Variants in TFDP2 observed in about 807,000 individuals in gnomAD.
TFDP2 encodes the protein transcription factor Dp-2 (E2F dimerization partner 2).
In TFDP2, 17 loss-of-function variants were observed where a neutral mutation model predicts 59.3. The observed-to-expected ratio is 0.29, with a 90% CI of 0.20 to 0.43. The LOEUF (loss-of-function observed/expected upper bound fraction) is 0.43. Ranked by LOEUF, TFDP2 falls within the 20% of genes least tolerant of loss-of-function variation. TFDP2 has a pLI of 1.00. For synonymous variants in TFDP2, 180 were observed against 194.7 expected (o/e 0.92, Z 0.63); for missense variants, 391 against 528.8 (o/e 0.74, Z 2.56).
intron 11 of TFDP2, among the ~76,000 whole-genome samples, chr3:141,955,370 C>T (rs1029507245): frequency 6.6e-6 from 1 of 152,196 alleles, no homozygotes; most frequent in Admixed American, 6.5e-5. Context: ...GCCTAATCGC[C>T]CTGAGCCTTT....
chr3:141,964,154 A>C (rs980687151), intron 9 of TFDP2, among the ~76,000 whole-genome samples, 191 bp from the exon 10 acceptor site: 2 of 152,110 alleles, frequency 1.3e-5, no homozygotes, highest in Non-Finnish European at 2.9e-5. Context: ...ACATTTTTCC[A>C]TCATCCATAG....
intron 11 of TFDP2, among the ~76,000 whole-genome samples, chr3:141,955,066 A>T (rs201752331): frequency 4.4e-5 from 1 of 22,604 alleles, no homozygotes; most frequent in East Asian, 3.1e-3. Context: ...AATTAAAGCC[A>T]GAATCTTGTG....
chr3:142,070,309 C>T (rs1170319556), intron 3 of TFDP2, among the ~76,000 whole-genome samples: 1 of 152,020 alleles, frequency 6.6e-6, no homozygotes, highest in Non-Finnish European at 1.5e-5. Context: ...GACAGGGTCA[C>T]CCAGGCTGGA....
intron 1 of TFDP2, among the ~76,000 whole-genome samples, chr3:142,136,187 T>C (rs1223307615): frequency 6.6e-6 from 1 of 152,138 alleles, no homozygotes; most frequent in Non-Finnish European, 1.5e-5. Context: ...GTCTGCTGGC[T>C]GCATAGATGT....
rs142975848 is a variant in TFDP2, at chr3:142,088,417, A to T, written c.82+4644T>A. Among the ~76,000 whole-genome samples, 7 of 145,366 alleles carry T rather than the reference A, an allele frequency of 4.8e-5. No homozygotes were observed. In the Admixed American group the frequency reaches 4.9e-4, roughly 10 times the overall value. The stretch of plus-strand genomic sequence containing the variant: ...GTGATCTTGACGCACTGCAACCTCC[A>T]CCTCCCGGGTTCAGGTGATTCTTGT... On this transcript the variant is annotated intron_variant, in intron 3 of 12. Transcript: ENST00000489671.
intron 8 of TFDP2, among the ~76,000 whole-genome samples, chr3:141,973,721 C>A (rs1011917388): frequency 1.4e-4 from 21 of 144,992 alleles, no homozygotes; most frequent in African/African-American, 5.4e-4. Context: ...CAGCAAGCAT[C>A]TCATCAAATA....
chr3:142,008,085 C>A (rs188155985), intron 3 of TFDP2, among the ~76,000 whole-genome samples: 1 of 152,256 alleles, frequency 6.6e-6, no homozygotes, highest in Admixed American at 6.5e-5. Context: ...ACAATACTGG[C>A]TGTCCGGTGG....
At chr3:142,004,759 T>C (rs1944082201) in intron 4 of TFDP2, among the ~76,000 whole-genome samples, 1 of 152,200 alleles carries the variant, frequency 6.6e-6, no homozygotes, top group South Asian at 2.1e-4. Flanking sequence ...ATTCCATTTA[T>C]GTGAGAATAC....
chr3:142,010,987 T>C (rs1407591959), intron 3 of TFDP2, among the ~76,000 whole-genome samples: 5 of 105,898 alleles, frequency 4.7e-5, no homozygotes. Flanking sequence ...TTTACACTGT[T>C]GGTGGGACTG....
intron 9 of TFDP2, among the ~76,000 whole-genome samples, chr3:141,968,432 AG>A (rs1559937460): frequency 2.8e-5 from 2 of 70,240 alleles, no homozygotes; most frequent in Non-Finnish European, 2.8e-5. Context: ...TCTCATATAT[AG>A]ATATATATAA....
intron 3 of TFDP2, among the ~76,000 whole-genome samples, chr3:142,064,042 C>T (rs1451727630): frequency 5.9e-5 from 9 of 152,194 alleles, no homozygotes; most frequent in Non-Finnish European, 2.9e-5. Flanking sequence ...CAACCTTTGC[C>T]TCCTGGGTTC....
At chr3:142,024,906 G>A (rs557787126) in intron 3 of TFDP2, among the ~76,000 whole-genome samples, 11 of 152,116 alleles carry the variant, frequency 7.2e-5, no homozygotes, top group African/African-American at 2.7e-4. Flanking sequence ...TGTAATCTCA[G>A]CTACTCGGGA....
chr3:142,036,095 T>C (rs1946683999), intron 3 of TFDP2, among the ~76,000 whole-genome samples: 1 of 152,222 alleles, frequency 6.6e-6, no homozygotes, highest in Admixed American at 6.5e-5. Context: ...AGTCCATTTG[T>C]GCCAAGTAAA....
Position 141,978,573 on chromosome 3 carries a change from C to G in TFDP2, c.466G>C (p.Asp156His). The change falls in exon 7 of 13, where the codon GAT (aspartate) becomes CAT (histidine). Residue 156 changes from aspartate (D) to histidine (H), a missense_variant. By Grantham distance (81) the Asp-to-His change is moderately conservative. Coordinates refer to ENST00000489671, the MANE Select transcript of TFDP2 (RefSeq NM_001178139.2). The stretch of plus-strand genomic sequence containing the variant: ...TTGGTGAACTCTGACACCAGCTCAT[C>G]AGCGACTTCATTGTACGATGTTGTA... Reference protein sequence around the residue: ...KGTTSYNEVADELVSEFTNSN... With the variant: ...KGTTSYNEVAHELVSEFTNSN... 1 of 1,613,604 alleles carries G rather than the reference C, an allele frequency of 6.2e-7. No homozygotes were observed. The highest frequency in any genetic ancestry group is 8.5e-7 in the Non-Finnish European group (1 of 1,179,846).
At chr3:142,085,101 AG>A (rs1290523774) in intron 3 of TFDP2, among the ~76,000 whole-genome samples, 11 of 152,208 alleles carry the variant, frequency 7.2e-5, no homozygotes, top group African/African-American at 2.6e-4. Context: ...TTATATTTTT[AG>A]TAGAGACAGG....
intron 3 of TFDP2, among the ~76,000 whole-genome samples, chr3:142,019,182 A>G (rs1037015644): frequency 6.6e-6 from 1 of 151,614 alleles, no homozygotes; most frequent in Non-Finnish European, 1.5e-5. Context: ...CTCCTGCCTC[A>G]GCCTCCTGAG....
intron 11 of TFDP2, 150 bp downstream of exon 11, chr3:141,959,524 G>A: frequency 1.3e-6 from 1 of 777,384 alleles, no homozygotes; most frequent in East Asian, 2.5e-5. Context: ...TCTAATTTTT[G>A]AAAAAATGGT....
intron 3 of TFDP2, among the ~76,000 whole-genome samples, chr3:142,039,874 A>T (rs1057464442): frequency 1.3e-5 from 2 of 152,148 alleles, no homozygotes; most frequent in Non-Finnish European, 2.9e-5. Context: ...ACCATCTGGT[A>T]CCCCAGGCTC....
At chr3:142,044,455 C>G (rs1007075856) in intron 3 of TFDP2, among the ~76,000 whole-genome samples, 2 of 151,988 alleles carry the variant, frequency 1.3e-5, no homozygotes, top group Non-Finnish European at 2.9e-5. Context: ...AGGATGGTCT[C>G]GATCTGTTGA....
Sources: allele counts gnomAD v4.1 joint callset (sites outside exome capture counted in the v4.1 genomes callset), GRCh38; gene constraint gnomAD v4.1.1; transcripts MANE v1.5; gene names NCBI Gene and HGNC (gene_info 2026-07-23, HGNC 2026-07-21).